E2F5: variants seen among roughly 807,000 people sequenced by gnomAD.
E2F5 encodes the protein transcription factor E2F5.
A neutral mutation model predicts 39.1 loss-of-function variants in E2F5; 23 were observed. That is an observed-to-expected ratio of 0.59 (90% CI 0.42 to 0.83). The LOEUF (loss-of-function observed/expected upper bound fraction) is 0.83, where lower values mean the gene tolerates loss of function less well. E2F5 is among the 40% of genes least tolerant of loss of function. The pLI is 0.00. For synonymous variants in E2F5, 145 were observed against 157.8 expected (o/e 0.92, Z 0.61); for missense variants, 365 against 406.7 (o/e 0.90, Z 0.88).
Position 85,211,643 on chromosome 8 carries a change from G to GTT in E2F5, c.884-487_884-486dup, listed in dbSNP as rs950695727. On this transcript the variant is annotated intron_variant, in intron 6 of 7. Coordinates refer to ENST00000416274, the MANE Select transcript of E2F5 (RefSeq NM_001951.4). ...TAGAATGATGATGAGGTTTGTTGTT[G>GTT]TTTTTTTTTTTTTTTTTTTTTTTTT... Among the ~76,000 whole-genome samples, 504 of 52,224 alleles carry GTT rather than the reference G, an allele frequency of 9.7e-3. 91 individuals carry two copies. The highest frequency in any genetic ancestry group is 0.037 in the African/African-American group (408 of 11,016). The allele number at this position is 52,224 out of a possible 152,430, so 34.3% of individuals were successfully genotyped here. A position where few individuals can be genotyped will look rare whatever the true frequency, so the allele number is the denominator to read the frequency against.
chr8:85,209,216 TAA>T lies in E2F5; in HGVS notation c.692_693del (p.Lys231ArgfsTer6), dbSNP rs1812863964. On this transcript the variant is annotated frameshift_variant, in exon 6 of 8. Transcript: ENST00000416274. LOFTEE classifies it high-confidence loss of function. ...GACCTATCCATGTGCTGCTTATAAA[TAA>T]AGAGTCGAGTTCATCTAAGCCCGTG... ...SGPIHVLLINKESSSSKPVVF... is the reference protein window; with the variant it reads ...SGPIHVLLINXESSSSKPVVF... 1.9e-6 allele frequency: 3 copies of T among 1,614,004 alleles called. No homozygotes were observed. The highest frequency in any genetic ancestry group is 2.5e-6 in the Non-Finnish European group (3 of 1,179,904).
chr8:85,208,566 GATTACTAT>G (rs1186426015), intron 5 of E2F5, among the ~76,000 whole-genome samples: 1 of 152,072 alleles, frequency 6.6e-6, no homozygotes, highest in East Asian at 1.9e-4. Context: ...AGTAGAAAAA[GATTACTAT>G]ATTATCTACC....
At chr8:85,209,106 T>G in intron 5 of E2F5, 36 bp from the exon 6 acceptor site, 1 of 1,590,582 alleles carries the variant, frequency 6.3e-7, no homozygotes, top group Non-Finnish European at 8.6e-7. Context: ...GAAATGTTAA[T>G]AATTATACAT....
At chr8:85,187,979 AT>A (rs201032212) in intron 1 of E2F5, among the ~76,000 whole-genome samples, 2 of 152,324 alleles carry the variant, frequency 1.3e-5, no homozygotes, top group East Asian at 1.9e-4. Flanking sequence ...TTACAAAAAA[AT>A]ATCTTACAAT....
chr8:85,207,323 T>G (rs374045672), intron 4 of E2F5, 102 bp from the exon 5 acceptor site: 2 of 918,032 alleles, frequency 2.2e-6, no homozygotes, highest in South Asian at 3.4e-5. Flanking sequence ...TCACCTAGTT[T>G]GGGATTGAAC....
At chr8:85,191,441 CA>C (rs1361129490) in intron 1 of E2F5, among the ~76,000 whole-genome samples, 1 of 151,590 alleles carries the variant, frequency 6.6e-6, no homozygotes, top group African/African-American at 2.4e-5. Flanking sequence ...TTACCACACA[CA>C]AAAAAAATGA....
chr8:85,186,811 A>G (rs1812352788), intron 1 of E2F5, among the ~76,000 whole-genome samples: 1 of 147,908 alleles, frequency 6.8e-6, no homozygotes, highest in Non-Finnish European at 1.5e-5. Context: ...ATGTATATAT[A>G]AGGTGTATAT....
At chr8:85,208,999 A>T in intron 5 of E2F5, 143 bp from the exon 6 acceptor site, 2 of 812,900 alleles carry the variant, frequency 2.5e-6, no homozygotes, top group Non-Finnish European at 3.8e-6. Context: ...CTATGTCTCT[A>T]CTTTTGTGTT....
chr8:85,208,985 T>A (rs1812857511), intron 5 of E2F5, among the ~76,000 whole-genome samples, 157 bp from the exon 6 acceptor site: 1 of 152,250 alleles, frequency 6.6e-6, no homozygotes, highest in Non-Finnish European at 1.5e-5. Flanking sequence ...AATTACATTC[T>A]ACTCTATGTC....
chr8:85,181,654 T>C (rs1349987174), intron 1 of E2F5, among the ~76,000 whole-genome samples: 7 of 143,274 alleles, frequency 4.9e-5, no homozygotes, highest in Admixed American at 6.9e-5. Flanking sequence ...TTCTTAATAA[T>C]ATAACTAATT....
rs4150963 is a variant in E2F5 at position 85,210,281 on chromosome 8, T to C, written c.883+872T>C. 8.8e-3 allele frequency among the ~76,000 whole-genome samples: 1,333 copies of C among 152,336 alleles called. 18 individuals carry two copies. The highest frequency in any genetic ancestry group is 0.063 in the East Asian group (325 of 5,192). On this transcript the variant is annotated intron_variant, in intron 6 of 7. Coordinates refer to ENST00000416274, the MANE Select transcript of E2F5 (RefSeq NM_001951.4). ...GGTTAAAAGTGACGCTAACAAGATA[T>C]AACTGGACATGGAATGTTTTTTAGC... is the stretch of plus-strand genomic sequence containing the variant.
At chr8:85,206,767 G>A (rs546055340) in intron 4 of E2F5, among the ~76,000 whole-genome samples, 17 of 152,186 alleles carry the variant, frequency 1.1e-4, no homozygotes, top group Admixed American at 5.2e-4. Context: ...ATGGGGGGAC[G>A]TGTGTTCCCA....
intron 1 of E2F5, among the ~76,000 whole-genome samples, chr8:85,180,179 C>T (rs1439866152): frequency 6.6e-6 from 1 of 151,848 alleles, no homozygotes; most frequent in African/African-American, 2.4e-5. Context: ...CGCCACCATG[C>T]CCGACTCATT....
chr8:85,209,842 C>T (rs1043423125), intron 6 of E2F5, among the ~76,000 whole-genome samples: 6 of 152,152 alleles, frequency 3.9e-5, no homozygotes, highest in African/African-American at 1.4e-4. Context: ...AAAATATGTT[C>T]CAACTATCTT....
chr8:85,209,660 C>T (rs1037240570), intron 6 of E2F5, among the ~76,000 whole-genome samples: 2 of 152,126 alleles, frequency 1.3e-5, no homozygotes, highest in African/African-American at 4.8e-5. Flanking sequence ...TTGCATGAAA[C>T]AAAATATTGA....
intron 1 of E2F5, among the ~76,000 whole-genome samples, chr8:85,186,550 T>C (rs1244795884): frequency 6.7e-6 from 1 of 149,450 alleles, no homozygotes; most frequent in Admixed American, 6.7e-5. Flanking sequence ...ATATATGGTA[T>C]ATACATAAGG....
chr8:85,193,107 T>C (rs1329384947), intron 1 of E2F5, among the ~76,000 whole-genome samples: 6 of 152,246 alleles, frequency 3.9e-5, no homozygotes, highest in African/African-American at 1.4e-4. Flanking sequence ...TTGGGTATTC[T>C]AATTTTTTTT....
intron 1 of E2F5, among the ~76,000 whole-genome samples, chr8:85,192,821 C>T (rs1812493427): frequency 6.6e-6 from 1 of 152,208 alleles, no homozygotes; most frequent in Non-Finnish European, 1.5e-5. Flanking sequence ...TCAGAAGTAG[C>T]ATGGTATCTC....
chr8:85,184,170 C>A (rs4150855), intron 1 of E2F5, among the ~76,000 whole-genome samples: 1,550 of 152,272 alleles, frequency 0.01, 30 homozygotes, highest in African/African-American at 0.036. Context: ...AAAAGCTTAT[C>A]CACCATGATC....
Sources: allele counts gnomAD v4.1 joint callset (sites outside exome capture counted in the v4.1 genomes callset), GRCh38; gene constraint gnomAD v4.1.1; transcripts MANE v1.5; gene names NCBI Gene and HGNC (gene_info 2026-07-23, HGNC 2026-07-21).